Variants in CNTLN observed in about 807,000 individuals in gnomAD.
CNTLN encodes the protein centlein.
In CNTLN, 212 loss-of-function variants were observed where a neutral mutation model predicts 180.0. The ratio of observed to expected loss-of-function variants is 1.18; its 90% CI spans 1.05 to 1.32. CNTLN has a LOEUF of 1.32. Ranked by LOEUF, CNTLN falls within the 40% of genes most tolerant of loss-of-function variation. The probability of loss-of-function intolerance (pLI) is 0.00; values close to 1 mark genes in which losing one functional copy is unlikely to be tolerated. For synonymous variants in CNTLN, 722 were observed against 563.1 expected (o/e 1.28, Z -3.99); for missense variants, 2,095 against 1,610.9 (o/e 1.30, Z -5.14).
intron 18 of CNTLN, among the ~76,000 whole-genome samples, chr9:17,429,343 T>C (rs1475719429): frequency 6.6e-6 from 1 of 152,026 alleles, no homozygotes; most frequent in African/African-American, 2.4e-5. Flanking sequence ...ATGGAAGCTA[T>C]TGTAGACTGT....
rs557847845 is a variant in CNTLN at position 17,217,414 on chromosome 9, A to G, written c.450-8789A>G. On this transcript the variant is annotated intron_variant, in intron 2 of 25. Transcript: ENST00000380647. Reference sequence around the variant, plus strand: ...GCATATCGGAGCACAAAATATTGACATGATAATTGTAGTCAAGCCTGAGTG... The same window carrying G: ...GCATATCGGAGCACAAAATATTGACGTGATAATTGTAGTCAAGCCTGAGTG... Among the ~76,000 whole-genome samples, 49 of 152,344 alleles carry G rather than the reference A, an allele frequency of 3.2e-4. 1 individual carries two copies. Among genetic ancestry groups the G allele is most frequent in the African/African-American group, 1.1e-3 (46 of 41,590 alleles).
chr9:17,522,584 G>A, the CNTLN span, among the ~76,000 whole-genome samples: 1 of 152,062 alleles, frequency 6.6e-6, no homozygotes, highest in African/African-American at 2.4e-5. Context: ...TGAAACTACA[G>A]TACAGCCTTG....
chr9:17,359,717 TAAAAATACAA>T (rs1190348918), intron 12 of CNTLN, among the ~76,000 whole-genome samples: 5 of 13,496 alleles, frequency 3.7e-4, no homozygotes, highest in South Asian at 3.0e-3. Flanking sequence ...CCGTCTATAC[TAAAAATACAA>T]AAAAAAAAAA....
intron 1 of CNTLN, among the ~76,000 whole-genome samples, chr9:17,141,863 C>G (rs1012365501): frequency 2.0e-5 from 3 of 152,150 alleles, no homozygotes; most frequent in Middle Eastern, 3.4e-3. Context: ...GCAGGTAGAT[C>G]ATGAGGTCAG....
chr9:17,340,296 C>T (rs1272289072), intron 10 of CNTLN, among the ~76,000 whole-genome samples: 1 of 152,134 alleles, frequency 6.6e-6, no homozygotes, highest in Non-Finnish European at 1.5e-5. Context: ...CATGGTACAA[C>T]CCCAGAAGGT....
the CNTLN span, among the ~76,000 whole-genome samples, chr9:17,511,380 T>G: frequency 6.6e-6 from 1 of 152,120 alleles, no homozygotes; most frequent in Non-Finnish European, 1.5e-5. Flanking sequence ...AAAACAACAT[T>G]TATTTGGGCC....
At chr9:17,526,759 C>T in the CNTLN span, among the ~76,000 whole-genome samples, 137 of 151,640 alleles carry the variant, frequency 9.0e-4, no homozygotes, top group African/African-American at 3.1e-3. Context: ...ATTAATTTAG[C>T]TCTAGAGTTT....
At chr9:17,494,825 CAAT>C in intron 25 of CNTLN, 1 of 388,132 alleles carries the variant, frequency 2.6e-6, no homozygotes, top group South Asian at 2.0e-5. Flanking sequence ...ACATAATACT[CAAT>C]AATGATAATA....
In CNTLN at chr9:17,366,688, TGAATA is replaced by T. The variant is rs765435193; in HGVS notation, c.1961_1965del (p.Asn654MetfsTer12). The T allele has an allele frequency of 6.3e-7, 1 of 1,582,690 alleles. No homozygotes were observed. Among genetic ancestry groups the T allele is most frequent in the Non-Finnish European group, 8.6e-7 (1 of 1,158,994 alleles). ...ATTGATAAGGCAGCAATACAAGAAT[TGAATA>T]GATGTGTGGCAGAGAGAAGAGAAGG... On this transcript the variant is annotated frameshift_variant, in exon 13 of 26. Coordinates refer to ENST00000380647, the MANE Select transcript of CNTLN (RefSeq NM_017738.4). LOFTEE classifies it high-confidence loss of function.
At chr9:17,232,733 A>T (rs780524294) in intron 3 of CNTLN, among the ~76,000 whole-genome samples, 9 of 152,038 alleles carry the variant, frequency 5.9e-5, no homozygotes, top group Non-Finnish European at 8.8e-5. Context: ...ATTATTAGCA[A>T]CACTCGGTAG....
intron 18 of CNTLN, among the ~76,000 whole-genome samples, chr9:17,455,585 C>T (rs374912027): frequency 8.6e-5 from 13 of 152,020 alleles, no homozygotes; most frequent in African/African-American, 2.2e-4. Context: ...ACCTAAGTAT[C>T]CCAGTAAGAA....
chr9:17,339,977 G>A (rs554430948), intron 10 of CNTLN, among the ~76,000 whole-genome samples: 1 of 151,864 alleles, frequency 6.6e-6, no homozygotes, highest in Admixed American at 6.6e-5. Context: ...AACAGAGTGA[G>A]ACCCTGTTTC....
the CNTLN span, among the ~76,000 whole-genome samples, chr9:17,512,590 C>A: frequency 6.6e-6 from 1 of 152,052 alleles, no homozygotes; most frequent in Non-Finnish European, 1.5e-5. Flanking sequence ...CAAACCCCAG[C>A]GTTACATAGT....
intron 2 of CNTLN, among the ~76,000 whole-genome samples, chr9:17,191,528 G>T (rs1821787088): frequency 6.6e-6 from 1 of 152,060 alleles, no homozygotes; most frequent in Non-Finnish European, 1.5e-5. Context: ...TGTTTTATAT[G>T]GCATTCTGGC....
At chr9:17,300,688 T>A (rs1418861675) in intron 7 of CNTLN, 1 of 152,200 alleles carries the variant, frequency 6.6e-6, no homozygotes, top group African/African-American at 2.4e-5. Flanking sequence ...CCTCCAGTGG[T>A]TTCCCAGACC....
At chr9:17,252,244 T>C (rs1826187562) in intron 5 of CNTLN, among the ~76,000 whole-genome samples, 1 of 151,914 alleles carries the variant, frequency 6.6e-6, no homozygotes, top group African/African-American at 2.4e-5. Flanking sequence ...TCTTTTCCTT[T>C]GGATAGATAC....
intron 10 of CNTLN, among the ~76,000 whole-genome samples, chr9:17,337,738 T>A (rs1380124386): frequency 6.6e-6 from 1 of 152,172 alleles, no homozygotes; most frequent in Non-Finnish European, 1.5e-5. Context: ...GAAAAATCCT[T>A]AACATAGTGT....
intron 1 of CNTLN, among the ~76,000 whole-genome samples, chr9:17,142,549 T>TA (rs1260921365): frequency 6.6e-6 from 1 of 152,018 alleles, no homozygotes; most frequent in Non-Finnish European, 1.5e-5. Flanking sequence ...GACCTAAGAG[T>TA]AGAGGAAATG....
chr9:17,369,256 C>T (rs1824104099), intron 13 of CNTLN, among the ~76,000 whole-genome samples: 3 of 152,006 alleles, frequency 2.0e-5, no homozygotes, highest in Admixed American at 6.5e-5. Context: ...GCCTTGCTTC[C>T]CCTTCACCTT....
Sources: gnomAD v4.1 joint callset for allele counts (sites outside exome capture counted in the v4.1 genomes callset) on GRCh38, gnomAD v4.1.1 for gene constraint, MANE v1.5 for transcripts, NCBI Gene and HGNC (gene_info 2026-07-23, HGNC 2026-07-21) for gene names.